Variants in RREB1 observed in about 807,000 individuals in gnomAD.
RREB1 encodes the protein ras responsive element binding protein 1.
Under a neutral mutation model 117.8 loss-of-function variants are expected in RREB1, and 27 were observed. The observed-to-expected ratio is 0.23, with a 90% CI of 0.17 to 0.32. RREB1 has a LOEUF of 0.32. Ranked by LOEUF, RREB1 falls within the 10% of genes least tolerant of loss-of-function variation. RREB1 has a pLI of 1.00. For missense variants in RREB1, 2,577 were observed against 2,378.2 expected, an observed-to-expected ratio of 1.08 and a Z score of -1.74; for synonymous variants, 1,298 against 1,026.7, an observed-to-expected ratio of 1.26 and a Z score of -5.05.
intron 1 of RREB1, among the ~76,000 whole-genome samples, chr6:7,127,868 C>T (rs1333590450): frequency 6.6e-6 from 1 of 152,042 alleles, no homozygotes; most frequent in Non-Finnish European, 1.5e-5. Context: ...TGTTCCTGGT[C>T]CTCTGCTTGG....
intron 8 of RREB1, chr6:7,215,238 T>C (rs1391032793): frequency 6.6e-6 from 1 of 152,282 alleles, no homozygotes; most frequent in Non-Finnish European, 1.5e-5. Flanking sequence ...GGCCATACCC[T>C]GCTGTGAATG....
At chr6:7,111,297 G>C (rs1055668555) in intron 1 of RREB1, among the ~76,000 whole-genome samples, 4 of 152,082 alleles carry the variant, frequency 2.6e-5, no homozygotes, top group African/African-American at 9.7e-5. Flanking sequence ...ATGCTTGCTT[G>C]CTAACATCAT....
At chr6:7,141,557 C>A (rs1258072308) in intron 1 of RREB1, among the ~76,000 whole-genome samples, 3 of 152,160 alleles carry the variant, frequency 2.0e-5, no homozygotes, top group African/African-American at 7.2e-5. Flanking sequence ...ATGAGCATGC[C>A]CACTCGCATT....
At chr6:7,239,387 C>A (rs1358389232) in intron 10 of RREB1, among the ~76,000 whole-genome samples, 1 of 152,174 alleles carries the variant, frequency 6.6e-6, no homozygotes, top group Non-Finnish European at 1.5e-5. Flanking sequence ...TCCTGAAGGC[C>A]CCTGATCCCC....
intron 6 of RREB1, among the ~76,000 whole-genome samples, chr6:7,198,110 T>A (rs1765758885): frequency 6.6e-6 from 1 of 152,176 alleles, no homozygotes; most frequent in African/African-American, 2.4e-5. Flanking sequence ...TGAACTTCCA[T>A]CATGGTCGTA....
chr6:7,135,938 CT>C (rs1260304805), intron 1 of RREB1, among the ~76,000 whole-genome samples: 1 of 152,080 alleles, frequency 6.6e-6, no homozygotes, highest in Admixed American at 6.5e-5. Flanking sequence ...AATTACTGTC[CT>C]GTGGTGGACC....
intron 1 of RREB1, among the ~76,000 whole-genome samples, chr6:7,160,807 CTCCTGAGTAGCTGGGAT>C (rs976317354): frequency 7.8e-6 from 1 of 129,026 alleles, no homozygotes; most frequent in African/African-American, 3.4e-5. Context: ...CTGCCTCAGC[CTCCTGAGTAGCTGGGAT>C]TACAGGCACG....
intron 1 of RREB1, among the ~76,000 whole-genome samples, chr6:7,136,857 C>G (rs1762367503): frequency 6.6e-6 from 1 of 152,174 alleles, no homozygotes; most frequent in Non-Finnish European, 1.5e-5. Context: ...GTTGTGTTTG[C>G]CTCAGAATTT....
chr6:7,163,205 GT>G (rs1309144497), intron 1 of RREB1, among the ~76,000 whole-genome samples: 5 of 152,148 alleles, frequency 3.3e-5, no homozygotes, highest in Admixed American at 6.5e-5. Flanking sequence ...CATATTTACC[GT>G]GGCCAGGTAG....
At chr6:7,245,520 A>G (rs1251994004) in intron 11 of RREB1, among the ~76,000 whole-genome samples, 1 of 152,240 alleles carries the variant, frequency 6.6e-6, no homozygotes. Context: ...AACCTTAGTA[A>G]AGAGAAGGCC....
At chr6:7,109,391 C>T (rs1333121324) in intron 1 of RREB1, among the ~76,000 whole-genome samples, 2 of 152,104 alleles carry the variant, frequency 1.3e-5, no homozygotes, top group Admixed American at 6.5e-5. Flanking sequence ...GACCCCCTCC[C>T]TGGGAAGCGG....
Position 7,187,536 on chromosome 6 carries a change from T to A in RREB1, c.261+13T>A. On this transcript the variant is annotated intron_variant, in intron 5 of 12. Coordinates refer to ENST00000379938, the MANE Select transcript of RREB1 (RefSeq NM_001003699.4). ...GCACATTCGCCAGGTAGATTCCCACTGTTCTTTTATTTTATTTTATTTTAT... is the reference window on the plus strand; with the variant it reads ...GCACATTCGCCAGGTAGATTCCCACAGTTCTTTTATTTTATTTTATTTTAT... 1 of 1,280,476 alleles carries A rather than the reference T, an allele frequency of 7.8e-7. No homozygotes were observed. Among genetic ancestry groups the A allele is most frequent in the South Asian group, 2.3e-5 (1 of 43,290 alleles). 79.3% of individuals were successfully genotyped at this position (1,280,476 alleles called of 1,614,324 possible).
rs187096063 is a variant in RREB1, at chr6:7,191,291, G to C, written c.425+1969G>C. 1.2e-3 allele frequency among the ~76,000 whole-genome samples: 184 copies of C among 152,052 alleles called. 2 individuals are homozygous for C. The highest frequency in any genetic ancestry group is 4.1e-3 in the African/African-American group (171 of 41,466). On this transcript the variant is annotated intron_variant, in intron 6 of 12. Coordinates refer to ENST00000379938, the MANE Select transcript of RREB1 (RefSeq NM_001003699.4). ...TATACCGTGTAAAGTGTGCACTTCA[G>C]TGGGCTTCAGGTTCTTTTTTATTGT...
At chr6:7,236,820 CCTT>C (rs1383659169) in intron 10 of RREB1, among the ~76,000 whole-genome samples, 10 of 149,112 alleles carry the variant, frequency 6.7e-5, no homozygotes, top group Non-Finnish European at 1.3e-4. Flanking sequence ...GCCCCAATGT[CCTT>C]CTTCGTTTCT....
chr6:7,146,401 G>T (rs1762861280), intron 1 of RREB1, among the ~76,000 whole-genome samples: 1 of 152,128 alleles, frequency 6.6e-6, no homozygotes, highest in Non-Finnish European at 1.5e-5. Flanking sequence ...GGCGAGGTGG[G>T]GACGGAGAAG....
chr6:7,245,531 T>TG (rs1768951394), intron 11 of RREB1, among the ~76,000 whole-genome samples: 1 of 152,244 alleles, frequency 6.6e-6, no homozygotes. Context: ...AGAGAAGGCC[T>TG]TTTGACACTG....
At position 7,248,894 on chromosome 6, in the gene RREB1, C is replaced by T; in HGVS notation, c.5155C>T (p.Pro1719Ser). The change falls in exon 13 of 13, where the codon CCG becomes TCG. Residue 1719 changes from proline (P) to serine (S), a missense_variant. Physicochemically the swap from Pro to Ser is moderately conservative, Grantham distance 74 (BLOSUM62 -1). Coordinates refer to ENST00000379938, the MANE Select transcript of RREB1 (RefSeq NM_001003699.4). ...GGCCCTGGGGCAGGACCTGCTGGAG[C>T]CGCGCAGCAAGAGGCCTGCCCACCC... is the stretch of plus-strand genomic sequence containing the variant. ...PAALGQDLLE[P>S]RSKRPAHPIL... 1.9e-6 allele frequency: 3 copies of T among 1,570,838 alleles called. No homozygotes were observed. Among genetic ancestry groups the T allele is most frequent in the Non-Finnish European group, 1.7e-6 (2 of 1,159,796 alleles).
intron 1 of RREB1, among the ~76,000 whole-genome samples, chr6:7,147,873 G>T (rs1762943595): frequency 6.6e-6 from 1 of 151,864 alleles, no homozygotes; most frequent in African/African-American, 2.4e-5. Flanking sequence ...AAAAAAGTTT[G>T]TGTTTTAAGC....
chr6:7,230,023 C>G lies in RREB1; in HGVS notation c.1924C>G (p.Leu642Val), dbSNP rs372258825. ...GKKTPAMRKV[L>V]YPCRFCNQVF... ...GAAGACGCCCGCCATGCGCAAGGTG[C>G]TCTACCCCTGCCGCTTCTGCAACCA... Residue 642 changes from leucine to valine, a missense_variant, in exon 10 of 13, where the codon CTC becomes GTC. Leu to Val is a conservative substitution (Grantham distance 32, BLOSUM62 1). Coordinates refer to ENST00000379938, the MANE Select transcript of RREB1 (RefSeq NM_001003699.4). 12 of 1,611,086 alleles carry G rather than the reference C, an allele frequency of 7.4e-6. No individual in the cohort carries two copies. The highest frequency in any genetic ancestry group is 1.6e-4 in the Middle Eastern group (1 of 6,066).
Sources: allele counts gnomAD v4.1 joint callset (sites outside exome capture counted in the v4.1 genomes callset), GRCh38; gene constraint gnomAD v4.1.1; transcripts MANE v1.5; gene names NCBI Gene and HGNC (gene_info 2026-07-23, HGNC 2026-07-21).